The following SAMMSON variants were observed in gnomAD, a reference collection of about 807,000 sequenced individuals.
The protein encoded by SAMMSON is long intergenic non-protein coding RNA 1212.
At chr3:70,408,131 C>T (rs1701190917) in intron 2 of SAMMSON, among the ~76,000 whole-genome samples, 1 of 152,214 alleles carries the variant, frequency 6.6e-6, no homozygotes, top group African/African-American at 2.4e-5. Context: ...AGTCCCTAGG[C>T]TGCACACAGC....
intron 4 of SAMMSON, among the ~76,000 whole-genome samples, chr3:70,079,626 G>A (rs1426806016): frequency 5.9e-5 from 9 of 152,160 alleles, no homozygotes; most frequent in African/African-American, 2.2e-4. Flanking sequence ...CCAAATATGT[G>A]CTAATGTAAG....
At chr3:70,324,243 T>C (rs1262135272) in intron 7 of SAMMSON, among the ~76,000 whole-genome samples, 2 of 150,664 alleles carry the variant, frequency 1.3e-5, no homozygotes, top group Non-Finnish European at 3.0e-5. Flanking sequence ...GAGAGAGAGA[T>C]CTCCCAGTGG....
At chr3:70,018,608 T>C (rs1258973417) in intron 3 of SAMMSON, among the ~76,000 whole-genome samples, 1 of 152,180 alleles carries the variant, frequency 6.6e-6, no homozygotes, top group Non-Finnish European at 1.5e-5. Flanking sequence ...TTTAGTTATT[T>C]CTTGCCTTCT....
chr3:70,210,438 C>A (rs761101047), intron 4 of SAMMSON, among the ~76,000 whole-genome samples: 6 of 152,056 alleles, frequency 3.9e-5, no homozygotes, highest in Admixed American at 3.9e-4. Flanking sequence ...AGAATTCTGA[C>A]ATCTGAAGTG....
Position 70,154,530 on chromosome 3 carries a change from G to A in SAMMSON, n.507+82965G>A, listed in dbSNP as rs138050848. ...AATTGATCTGGGGTTGGGTCTGAGC[G>A]CTCATCAGCTGTTAAATCTCCTCCA... On this transcript the variant is annotated intron_variant and non_coding_transcript_variant, in intron 4 of 9. Coordinates refer to ENST00000642114, the Ensembl canonical transcript of SAMMSON. Among the ~76,000 whole-genome samples the A allele has an allele frequency of 5.4e-3, 823 of 152,118 alleles. 10 individuals carry two copies. Among genetic ancestry groups the A allele is most frequent in the African/African-American group, 0.019 (783 of 41,536 alleles).
At chr3:70,048,559 C>G (rs2067135344) in intron 3 of SAMMSON, among the ~76,000 whole-genome samples, 1 of 152,030 alleles carries the variant, frequency 6.6e-6, no homozygotes, top group African/African-American at 2.4e-5. Context: ...CACCAAATAT[C>G]AATATAAACT....
chr3:70,291,576 A>G (rs1256780386), intron 7 of SAMMSON, among the ~76,000 whole-genome samples: 1 of 152,078 alleles, frequency 6.6e-6, no homozygotes, highest in Non-Finnish European at 1.5e-5. Context: ...ACAATATGTT[A>G]ATACTTAGCA....
chr3:70,399,603 T>C (rs1330681271), intron 2 of SAMMSON, among the ~76,000 whole-genome samples: 6 of 152,098 alleles, frequency 3.9e-5, no homozygotes, highest in Non-Finnish European at 7.4e-5. Flanking sequence ...TGGTGGCTCA[T>C]GCCTGTAAGC....
intron 9 of SAMMSON, among the ~76,000 whole-genome samples, chr3:70,361,296 A>C (rs1363718340): frequency 6.6e-6 from 1 of 152,178 alleles, no homozygotes; most frequent in African/African-American, 2.4e-5. Context: ...TTCTTTTAAT[A>C]CATTGGCTAA....
At chr3:70,339,915 A>T (rs538501048) in intron 7 of SAMMSON, among the ~76,000 whole-genome samples, 1 of 152,300 alleles carries the variant, frequency 6.6e-6, no homozygotes, top group African/African-American at 2.4e-5. Context: ...TATATACCCA[A>T]AGGATTATAA....
chr3:70,086,466 T>C (rs1392787112), intron 4 of SAMMSON, among the ~76,000 whole-genome samples: 1 of 152,214 alleles, frequency 6.6e-6, no homozygotes. Flanking sequence ...TCTGGCATGG[T>C]TGAGCTAGGA....
At chr3:70,392,499 T>C (rs970355224), downstream of SAMMSON, among the ~76,000 whole-genome samples, 3 of 152,146 alleles carry the variant, frequency 2.0e-5, no homozygotes, top group Non-Finnish European at 4.4e-5. Context: ...AGTTGATTGC[T>C]CTGCTTATTT....
At chr3:70,175,344 A>C (rs190735066) in intron 4 of SAMMSON, among the ~76,000 whole-genome samples, 9 of 152,076 alleles carry the variant, frequency 5.9e-5, no homozygotes, top group Non-Finnish European at 1.2e-4. Context: ...CAGTTTAGGC[A>C]TCTTTCAGAC....
intron 4 of SAMMSON, among the ~76,000 whole-genome samples, chr3:70,111,899 G>T (rs1482863166): frequency 6.6e-6 from 1 of 152,058 alleles, no homozygotes; most frequent in African/African-American, 2.4e-5. Context: ...ATCTATTGCT[G>T]CCCAGAGTCA....
chr3:70,077,543 G>T (rs867395190), intron 4 of SAMMSON, among the ~76,000 whole-genome samples: 84 of 152,202 alleles, frequency 5.5e-4, no homozygotes, highest in African/African-American at 2.0e-3. Flanking sequence ...ACTAAGTTTG[G>T]TGATAGATTT....
At position 70,238,850 on chromosome 3, in the gene SAMMSON, A is replaced by G. The variant is rs544121989; in HGVS notation, n.508-10257A>G. ...CCTGTAATGGAAAGAGACTCACAGAATTGCATAGGAGGTTTAATTAATTTT... is the reference window on the plus strand; with the variant it reads ...CCTGTAATGGAAAGAGACTCACAGAGTTGCATAGGAGGTTTAATTAATTTT... On this transcript the variant is annotated intron_variant and non_coding_transcript_variant, in intron 4 of 9. Transcript: ENST00000642114. Among the ~76,000 whole-genome samples the G allele has an allele frequency of 9.2e-5, 14 of 152,172 alleles. No homozygotes were observed. The East Asian group carries it at 2.5e-3, about 27-fold the overall frequency.
chr3:70,364,025 G>T (rs7643940), intron 9 of SAMMSON, among the ~76,000 whole-genome samples: 23,955 of 151,658 alleles, frequency 0.16, 2,059 homozygotes, highest in East Asian at 0.41. Context: ...CTTATCTGTT[G>T]ACATTCTCAT....
intron 3 of SAMMSON, among the ~76,000 whole-genome samples, chr3:70,024,065 A>G (rs182770884): frequency 1.3e-5 from 2 of 152,062 alleles, no homozygotes; most frequent in East Asian, 1.9e-4. Context: ...ATCTGCCTCA[A>G]TCACTAGCAG....
At chr3:70,006,361 T>C (rs9818798) in intron 1 of SAMMSON, among the ~76,000 whole-genome samples, 70,050 of 152,034 alleles carry the variant, frequency 0.46, 17,279 homozygotes, top group East Asian at 0.63. Context: ...AGGAAGGGAA[T>C]GTGTATTAAG....
Sources: allele counts gnomAD v4.1 joint callset (sites outside exome capture counted in the v4.1 genomes callset), GRCh38; gene constraint gnomAD v4.1.1; transcripts MANE v1.5; gene names NCBI Gene and HGNC (gene_info 2026-07-23, HGNC 2026-07-21).